MSH3: variants seen among roughly 807,000 people sequenced by gnomAD.
MSH3 encodes mutS homolog 3.
A neutral mutation model predicts 123.3 loss-of-function variants in MSH3; 106 were observed. That is an observed-to-expected ratio of 0.86 (90% CI 0.73 to 1.01). The LOEUF is 1.01. Among genes scored for constraint, MSH3 ranks in the 50% least tolerant of loss-of-function variants. MSH3 has a pLI of 0.00. For synonymous variants in MSH3, 515 were observed against 481.4 expected (o/e 1.07, Z -0.91); for missense variants, 1,459 against 1,347.6 (o/e 1.08, Z -1.29).
intron 19 of MSH3, among the ~76,000 whole-genome samples, chr5:80,811,192 G>C (rs1275581540): frequency 2.0e-5 from 3 of 152,008 alleles, no homozygotes; most frequent in Admixed American, 6.5e-5. Flanking sequence ...GATTTTCTGG[G>C]AGCACAATCA....
At chr5:80,858,668 G>A (rs1302519462) in intron 21 of MSH3, among the ~76,000 whole-genome samples, 4 of 152,140 alleles carry the variant, frequency 2.6e-5, no homozygotes, top group Non-Finnish European at 5.9e-5. Flanking sequence ...AGCTTGAGAT[G>A]AATGTGTATT....
At chr5:80,794,258 C>T (rs1237477196) in intron 19 of MSH3, among the ~76,000 whole-genome samples, 1 of 152,168 alleles carries the variant, frequency 6.6e-6, no homozygotes, top group African/African-American at 2.4e-5. Flanking sequence ...GCTGGAATGG[C>T]GAATCCTGGC....
chr5:80,695,544 C>T (rs1205484505), intron 8 of MSH3, among the ~76,000 whole-genome samples: 1 of 151,918 alleles, frequency 6.6e-6, no homozygotes, highest in Admixed American at 6.6e-5. Context: ...ATGTTGGCCA[C>T]GCTGGTCTCA....
At chr5:80,672,909 T>C in intron 6 of MSH3, 51 bp downstream of exon 6, 1 of 1,393,276 alleles carries the variant, frequency 7.2e-7, no homozygotes, top group Non-Finnish European at 1.0e-6. Flanking sequence ...AGGGCTTTGT[T>C]GGCAGGTTTT....
chr5:80,701,049 A>G (rs1750599053), intron 8 of MSH3, among the ~76,000 whole-genome samples: 1 of 152,232 alleles, frequency 6.6e-6, no homozygotes, highest in East Asian at 1.9e-4. Flanking sequence ...TCTTGTCCTC[A>G]TGGCTTTTCC....
intron 18 of MSH3, among the ~76,000 whole-genome samples, chr5:80,792,369 T>G (rs953870217): frequency 6.6e-6 from 1 of 150,646 alleles, no homozygotes; most frequent in African/African-American, 2.4e-5. Flanking sequence ...CTGTGAATAG[T>G]CACTGCACTG....
chr5:80,872,367 T>C (rs1445177886), intron 22 of MSH3, among the ~76,000 whole-genome samples: 1 of 151,990 alleles, frequency 6.6e-6, no homozygotes, highest in Non-Finnish European at 1.5e-5. Flanking sequence ...CTCGGGAGGC[T>C]GAGATGGGAT....
chr5:80,751,395 C>T (rs545548718), intron 12 of MSH3, among the ~76,000 whole-genome samples: 1 of 152,258 alleles, frequency 6.6e-6, no homozygotes, highest in South Asian at 2.1e-4. Flanking sequence ...TTTCGACAAA[C>T]CCGATACAAA....
chr5:80,834,086 C>A (rs1049895019), intron 20 of MSH3, among the ~76,000 whole-genome samples: 1 of 152,104 alleles, frequency 6.6e-6, no homozygotes, highest in Non-Finnish European at 1.5e-5. Flanking sequence ...GTTCATGAGC[C>A]AGTATTTCTT....
chr5:80,655,445 C>T (rs771127864), intron 1 of MSH3: 25 of 217,528 alleles, frequency 1.1e-4, no homozygotes, highest in Non-Finnish European at 1.9e-4. Flanking sequence ...TCATATTGTG[C>T]AGTTCCCCAG....
At chr5:80,794,756 A>G (rs1380508651) in intron 19 of MSH3, among the ~76,000 whole-genome samples, 2 of 152,206 alleles carry the variant, frequency 1.3e-5, no homozygotes, top group African/African-American at 2.4e-5. Context: ...GATATGCCAT[A>G]GAGGAAAACA....
At chr5:80,786,127 A>G (rs1447976302) in intron 17 of MSH3, among the ~76,000 whole-genome samples, 1 of 152,066 alleles carries the variant, frequency 6.6e-6, no homozygotes, top group Non-Finnish European at 1.5e-5. Context: ...ATGTACCCTA[A>G]AACTTAAAGT....
chr5:80,662,828 A>G (rs1749468067), intron 2 of MSH3, among the ~76,000 whole-genome samples: 1 of 100,906 alleles, frequency 9.9e-6, no homozygotes, highest in Non-Finnish European at 1.8e-5. Flanking sequence ...CTCTGTCTCA[A>G]AAAAAAAAAA....
Position 80,691,190 on chromosome 5 carries a change from C to A in MSH3, c.1340+12097C>A, listed in dbSNP as rs142341892. 2.9e-3 allele frequency among the ~76,000 whole-genome samples: 441 copies of A among 151,852 alleles called. 1 individual carries two copies. Among genetic ancestry groups the A allele is most frequent in the Non-Finnish European group, 5.0e-3 (340 of 67,896 alleles). On this transcript the variant is annotated intron_variant, in intron 8 of 23. Transcript: ENST00000265081. ...ACATGATTCACAGACCAGATATTGC[C>A]TACATAGAAAATCTAGAAGTGACAA...
chr5:80,711,709 C>T (rs965429948), intron 8 of MSH3, among the ~76,000 whole-genome samples: 5 of 151,826 alleles, frequency 3.3e-5, no homozygotes, highest in African/African-American at 1.2e-4. Flanking sequence ...GGCTGGAGTA[C>T]AATGGTGTCA....
chr5:80,685,726 T>C (rs1194440359), intron 8 of MSH3, among the ~76,000 whole-genome samples: 3 of 152,094 alleles, frequency 2.0e-5, no homozygotes, highest in Admixed American at 2.0e-4. Flanking sequence ...TTTCTAGTTC[T>C]TCAAGGTTTA....
chr5:80,709,194 G>T (rs982422648), intron 8 of MSH3, among the ~76,000 whole-genome samples: 1 of 147,066 alleles, frequency 6.8e-6, no homozygotes, highest in Non-Finnish European at 1.5e-5. Context: ...CATTAGCGAT[G>T]AATATAAAAT....
intron 22 of MSH3, among the ~76,000 whole-genome samples, chr5:80,870,262 C>T (rs1034858437): frequency 1.3e-5 from 2 of 150,802 alleles, no homozygotes; most frequent in Admixed American, 6.6e-5. Context: ...ATACTGATGG[C>T]TGGATGGATG....
intron 6 of MSH3, among the ~76,000 whole-genome samples, chr5:80,673,637 G>A (rs1355047609): frequency 1.3e-5 from 2 of 152,160 alleles, no homozygotes; most frequent in African/African-American, 4.8e-5. Context: ...GTGGTAGCCC[G>A]TCTTCATTAA....
Sources: gnomAD v4.1 joint callset for allele counts (sites outside exome capture counted in the v4.1 genomes callset) on GRCh38, gnomAD v4.1.1 for gene constraint, MANE v1.5 for transcripts, NCBI Gene and HGNC (gene_info 2026-07-23, HGNC 2026-07-21) for gene names.